Variants in ANKRD66 observed in about 807,000 individuals in gnomAD.
ANKRD66 encodes ankyrin repeat domain-containing protein 66.
In ANKRD66, 10 loss-of-function variants were observed where a neutral mutation model predicts 10.9. The observed-to-expected ratio is 0.91, with a 90% CI of 0.56 to 1.55. ANKRD66 has a LOEUF of 1.55. ANKRD66 is among the 40% of genes most tolerant of loss of function. The pLI is 0.00. For synonymous variants in ANKRD66, 85 were observed against 88.4 expected, an observed-to-expected ratio of 0.96 and a Z score of 0.22; for missense variants, 252 against 242.9, an observed-to-expected ratio of 1.04 and a Z score of -0.25.
At chr6:46,748,462 A>C (rs957797522) in intron 1 of ANKRD66, among the ~76,000 whole-genome samples, 2 of 152,224 alleles carry the variant, frequency 1.3e-5, no homozygotes, top group Non-Finnish European at 2.9e-5. Context: ...GATTTAAAAA[A>C]TGGTTTTATT....
intron 4 of ANKRD66, chr6:46,755,979 A>C (rs1202826030): frequency 5.6e-6 from 2 of 356,330 alleles, no homozygotes; most frequent in Non-Finnish European, 1.1e-5. Context: ...AGTGTTATGC[A>C]CATTTACATT....
At chr6:46,757,871 G>A (rs1261796812) in intron 4 of ANKRD66, 1 of 152,144 alleles carries the variant, frequency 6.6e-6, no homozygotes, top group African/African-American at 2.4e-5. Context: ...TAACTGTGTG[G>A]GAGACGAAAT....
chr6:46,748,807 T>C (rs1004562105), intron 1 of ANKRD66, among the ~76,000 whole-genome samples: 2 of 152,176 alleles, frequency 1.3e-5, no homozygotes, highest in African/African-American at 4.8e-5. Context: ...CAATTTTGCT[T>C]CCAGCCAGTC....
chr6:46,758,916 G>C lies in ANKRD66; in HGVS notation c.586G>C (p.Val196Leu). Residue 196 changes from valine to leucine, a missense_variant, in exon 5 of 5, where the codon GTA becomes CTA. Transcript: ENST00000565422. ...TRPSNTKGRR[V>L] Reference sequence around the variant, plus strand: ...GCCCAGCAATACCAAGGGGAGGAGAGTATGAGAACTCAACCTTATGTTTTC... The same window carrying C: ...GCCCAGCAATACCAAGGGGAGGAGACTATGAGAACTCAACCTTATGTTTTC... 6.5e-7 allele frequency: 1 copy of C among 1,547,174 alleles called. No individual in the cohort carries two copies. Among genetic ancestry groups the C allele is most frequent in the Non-Finnish European group, 8.7e-7 (1 of 1,145,180 alleles).
At chr6:46,755,731 AG>A (rs901236856) in intron 4 of ANKRD66, among the ~76,000 whole-genome samples, 1 of 152,188 alleles carries the variant, frequency 6.6e-6, no homozygotes, top group African/African-American at 2.4e-5. Context: ...AAAAAGTTAG[AG>A]GCCCTTCTGA....
rs563303583 is a variant in ANKRD66, at chr6:46,755,431, C to T, written c.392+1481C>T. Among the ~76,000 whole-genome samples, 18 of 152,304 alleles carry T rather than the reference C, an allele frequency of 1.2e-4. 1 individual carries two copies. Among genetic ancestry groups the T allele is most frequent in the African/African-American group, 4.3e-4 (18 of 41,564 alleles). On this transcript the variant is annotated intron_variant, in intron 4 of 4. Transcript: ENST00000565422. ...CTGTCTTTCAGAGGTATGCCTTCTA[C>T]TTTAGAAAAAATATTGAAGCCATGG...
intron 2 of ANKRD66, among the ~76,000 whole-genome samples, chr6:46,750,229 A>G (rs1177534448): frequency 6.6e-6 from 1 of 152,146 alleles, no homozygotes; most frequent in Non-Finnish European, 1.5e-5. Context: ...TTCTACTCTT[A>G]AAAATTATTG....
chr6:46,752,712 T>A (rs1472517496), intron 3 of ANKRD66, among the ~76,000 whole-genome samples: 1 of 152,212 alleles, frequency 6.6e-6, no homozygotes, highest in Non-Finnish European at 1.5e-5. Context: ...TCTTACAGTC[T>A]GCTCTCAGTT....
chr6:46,755,996 A>G (rs1316474324), intron 4 of ANKRD66: 1 of 392,240 alleles, frequency 2.5e-6, no homozygotes, highest in South Asian at 2.0e-5. Flanking sequence ...CATTGTTGTG[A>G]AACAGAGCTC....
chr6:46,752,416 A>G (rs1020386649), intron 3 of ANKRD66, among the ~76,000 whole-genome samples: 1 of 152,028 alleles, frequency 6.6e-6, no homozygotes, highest in African/African-American at 2.4e-5. Flanking sequence ...TGTATTTTTA[A>G]TGGAGAAGGT....
At chr6:46,748,790 A>T (rs771434654) in intron 1 of ANKRD66, among the ~76,000 whole-genome samples, 2 of 152,060 alleles carry the variant, frequency 1.3e-5, no homozygotes, top group Non-Finnish European at 2.9e-5. Context: ...CTCCCTCCTC[A>T]GCTCTCCAAT....
chr6:46,758,887 C>T lies in ANKRD66; in HGVS notation c.557C>T (p.Thr186Ile), dbSNP rs1211939050. The T allele has an allele frequency of 2.6e-6, 4 of 1,551,262 alleles. No individual in the cohort carries two copies. The highest frequency in any genetic ancestry group is 1.7e-4 in the Middle Eastern group (1 of 6,010). Residue 186 changes from threonine (T) to isoleucine (I), a missense_variant, in exon 5 of 5, where the codon ACC (threonine) becomes ATC (isoleucine). Transcript: ENST00000565422. ...NKKNKKSRGP[T>I]RPSNTKGRRV ...AAGAATAAGAAAAGTCGAGGCCCCA[C>T]CAGGCCCAGCAATACCAAGGGGAGG...
intron 4 of ANKRD66, chr6:46,756,375 T>A (rs548716269): frequency 8.1e-5 from 13 of 160,682 alleles, no homozygotes; most frequent in Admixed American, 1.9e-4. Flanking sequence ...AAATTACGTG[T>A]GCCTTTTTGG....
intron 4 of ANKRD66, among the ~76,000 whole-genome samples, chr6:46,754,492 C>A (rs556985333): frequency 1.3e-5 from 2 of 152,160 alleles, no homozygotes; most frequent in Admixed American, 1.3e-4. Context: ...AATTAAGCAC[C>A]AATAATTTGC....
intron 4 of ANKRD66, 168 bp from the exon 5 acceptor site, chr6:46,758,555 T>C: frequency 1.9e-6 from 1 of 530,848 alleles, no homozygotes. Context: ...CCAAGTAGTT[T>C]CTTTAGTGTC....
At chr6:46,752,872 G>A (rs1766298917) in intron 3 of ANKRD66, among the ~76,000 whole-genome samples, 1 of 152,228 alleles carries the variant, frequency 6.6e-6, no homozygotes, top group Non-Finnish European at 1.5e-5. Context: ...AACTCAGGCT[G>A]TGGGCCTCTC....
At chr6:46,750,793 A>T (rs530407095) in intron 2 of ANKRD66, among the ~76,000 whole-genome samples, 30 of 151,500 alleles carry the variant, frequency 2.0e-4, no homozygotes, top group Middle Eastern at 7.0e-3. Flanking sequence ...GTTTGATACT[A>T]CAACAATATT....
chr6:46,748,533 CA>C (rs1452470776), intron 1 of ANKRD66, among the ~76,000 whole-genome samples: 1 of 152,182 alleles, frequency 6.6e-6, no homozygotes, highest in East Asian at 1.9e-4. Flanking sequence ...TATCATTGAT[CA>C]AACACTCCAG....
At chr6:46,749,567 C>G (rs115121664) in intron 1 of ANKRD66, among the ~76,000 whole-genome samples, 11,748 of 102,874 alleles carry the variant, frequency 0.11, 1,466 homozygotes, top group Middle Eastern at 0.2. Flanking sequence ...CCCCCCCCCC[C>G]GCTTTTTTCT....
Sources: allele counts gnomAD v4.1 joint callset (sites outside exome capture counted in the v4.1 genomes callset), GRCh38; gene constraint gnomAD v4.1.1; transcripts MANE v1.5; gene names NCBI Gene and HGNC (gene_info 2026-07-23, HGNC 2026-07-21).